The following ZNF800 variants were observed in gnomAD, a reference collection of about 807,000 sequenced individuals.
The protein encoded by ZNF800 is zinc finger protein 800.
A neutral mutation model predicts 59.5 loss-of-function variants in ZNF800; 13 were observed. The ratio of observed to expected loss-of-function variants is 0.22; its 90% CI spans 0.14 to 0.35. ZNF800 has a LOEUF of 0.35. Among genes scored for constraint, ZNF800 ranks in the 10% least tolerant of loss-of-function variants. The pLI is 1.00. For synonymous variants in ZNF800, 266 were observed against 265.7 expected (o/e 1.00, Z -0.01); for missense variants, 621 against 783.7 (o/e 0.79, Z 2.48).
chr7:127,345,295 ACC>A (rs34510825), downstream of ZNF800, among the ~76,000 whole-genome samples: 2 of 140,312 alleles, frequency 1.4e-5, no homozygotes, highest in African/African-American at 5.3e-5. Context: ...TGGGAAATAG[ACC>A]CCCCCCCCAA....
intron 1 of ZNF800, among the ~76,000 whole-genome samples, chr7:127,351,962 G>A (rs1436456156): frequency 1.3e-5 from 2 of 152,108 alleles, no homozygotes; most frequent in Admixed American, 1.3e-4. Context: ...TGACAGGTGG[G>A]GGAAATGTGG....
chr7:127,381,360 C>T (rs746888242), intron 3 of ZNF800, among the ~76,000 whole-genome samples: 46 of 152,036 alleles, frequency 3.0e-4, no homozygotes, highest in Non-Finnish European at 5.4e-4. Flanking sequence ...TCATCCTTAA[C>T]GTAAGGATTC....
chr7:127,375,584 A>G (rs1340754819), intron 4 of ZNF800, among the ~76,000 whole-genome samples: 1 of 152,148 alleles, frequency 6.6e-6, no homozygotes, highest in East Asian at 1.9e-4. Context: ...GATGATGTGT[A>G]GAAGTATTTG....
At chr7:127,353,532 CTTT>C (rs1342177211) in intron 1 of ZNF800, among the ~76,000 whole-genome samples, 1 of 152,146 alleles carries the variant, frequency 6.6e-6, no homozygotes, top group Non-Finnish European at 1.5e-5. Flanking sequence ...GTCTGATTAA[CTTT>C]TTTTCCAATC....
chr7:127,362,996 A>G (rs1800424766), intron 1 of ZNF800: 1 of 152,184 alleles, frequency 6.6e-6, no homozygotes, highest in African/African-American at 2.4e-5. Context: ...CAGAGGCAGG[A>G]TGGATAGGCA....
chr7:127,391,493 C>CT lies in ZNF800; in HGVS notation c.61+3dup, dbSNP rs777360492. The CT allele has an allele frequency of 1.9e-6, 3 of 1,614,088 alleles. No individual in the cohort carries two copies. The South Asian group carries it at 3.3e-5, about 18-fold the overall frequency. On this transcript the variant is annotated splice_donor_region_variant and intron_variant, in intron 2 of 5. Transcript: ENST00000265827. ...AAAGCAACTGCGGACGAAGAGGGGTCTACCTGGTTCACAGCATCCGTGATG... is the reference window on the plus strand; with the variant it reads ...AAAGCAACTGCGGACGAAGAGGGGTCTTACCTGGTTCACAGCATCCGTGATG...
At chr7:127,363,656 C>T (rs1395665105) in intron 1 of ZNF800, 2 of 151,036 alleles carry the variant, frequency 1.3e-5, no homozygotes, top group Non-Finnish European at 2.9e-5. Flanking sequence ...TGATGTGAGG[C>T]ATTAAGATTA....
At chr7:127,352,443 G>C (rs1328782373) in intron 1 of ZNF800, among the ~76,000 whole-genome samples, 1 of 152,240 alleles carries the variant, frequency 6.6e-6, no homozygotes. Context: ...GCCTGGTCTA[G>C]TAGAAAGGAT....
At position 127,373,724 on chromosome 7, in the gene ZNF800, T is replaced by C. The variant is rs776136075; in HGVS notation, c.1612A>G (p.Ile538Val). 18 of 1,614,084 alleles carry C rather than the reference T, an allele frequency of 1.1e-5. No individual in the cohort carries two copies. The highest frequency in any genetic ancestry group is 6.6e-5 in the South Asian group (6 of 91,088). Residue 538 changes from isoleucine (I) to valine (V), a missense_variant, in exon 5 of 6, where the codon ATA becomes GTA. By Grantham distance (29) the Ile-to-Val change is conservative. This residue lies in a region of ZNF800 where 46 missense variants were observed against 118.4 expected (regional missense o/e 0.39). Coordinates refer to ENST00000265827, the MANE Select transcript of ZNF800 (RefSeq NM_176814.5). ...TRRKRDVIRH[I>V]TVVHKKSSRY... is the part of the protein sequence containing the mutation. Reference sequence around the variant, plus strand: ...GATGACTTTTTATGAACCACAGTTATATGTCGTATCACATCACGTTTCCGA... The same window carrying C: ...GATGACTTTTTATGAACCACAGTTACATGTCGTATCACATCACGTTTCCGA...
chr7:127,374,010 G>A lies in ZNF800; in HGVS notation c.1326C>T (p.Asn442=). The A allele has an allele frequency of 6.2e-7, 1 of 1,613,952 alleles. No individual in the cohort carries two copies. The highest frequency in any genetic ancestry group is 1.1e-5 in the South Asian group (1 of 91,068). The change falls in exon 5 of 6, where the codon AAC becomes AAT. Residue 442 remains asparagine (N), a synonymous_variant. Coordinates refer to ENST00000265827, the MANE Select transcript of ZNF800 (RefSeq NM_176814.5). ...KGTNHSNEKK[N]TPAAQKNKVK... ...CTTTATTTTTCTGTGCTGCCGGTGT[G>A]TTCTTTTTTTCATTTGAATGATTTG...
rs992743571 is a variant in ZNF800 at position 127,373,023 on chromosome 7, A to C, written c.1994+319T>G. The C allele has an allele frequency of 1.0e-5, 10 of 985,152 alleles. 1 individual carries two copies. The African/African-American group carries it at 1.7e-4, about 17-fold the overall frequency. The allele number at this position is 985,152 out of a possible 1,614,324, so 61.0% of individuals were successfully genotyped here. A position where few individuals can be genotyped will look rare whatever the true frequency, so the allele number is the denominator to read the frequency against. On this transcript the variant is annotated intron_variant, in intron 5 of 5. Transcript: ENST00000265827. ...AAAGTTAGTTAAACAGAAGACTTCTATTGTAAACATAAGCCAATATAAATG... is the reference window on the plus strand; with the variant it reads ...AAAGTTAGTTAAACAGAAGACTTCTCTTGTAAACATAAGCCAATATAAATG...
chr7:127,351,003 G>A (rs1214980856), intron 1 of ZNF800, among the ~76,000 whole-genome samples: 1 of 152,234 alleles, frequency 6.6e-6, no homozygotes, highest in African/African-American at 2.4e-5. Context: ...ACATGAAAAT[G>A]TGAAGCTGGA....
chr7:127,346,449 T>G (rs1466863654), downstream of ZNF800, among the ~76,000 whole-genome samples: 1 of 152,186 alleles, frequency 6.6e-6, no homozygotes, highest in Non-Finnish European at 1.5e-5. Flanking sequence ...TCTCCAGAGT[T>G]GAGATTTTGC....
At chr7:127,388,072 T>C (rs148273613) in intron 2 of ZNF800, among the ~76,000 whole-genome samples, 275 of 152,164 alleles carry the variant, frequency 1.8e-3, no homozygotes, top group African/African-American at 6.4e-3. Context: ...TTAGGGCAAA[T>C]TAAACTCTCT....
In ZNF800 at chr7:127,374,500, T is replaced by G; in HGVS notation, c.836A>C (p.Lys279Thr). The G allele has an allele frequency of 6.2e-7, 1 of 1,614,170 alleles. No individual in the cohort carries two copies. The highest frequency in any genetic ancestry group is 8.5e-7 in the Non-Finnish European group (1 of 1,180,002). The stretch of plus-strand genomic sequence containing the variant: ...CCTACTTAATGGAACTAGAACATTC[T>G]TACTGCGTCCTTTAGAGGATTGGTT... ...NPNQSSKGRS[K>T]NVLVPLSRSC... Residue 279 changes from lysine (K) to threonine (T), a missense_variant, in exon 5 of 6, where the codon AAG becomes ACG. Physicochemically the swap from Lys to Thr is moderately conservative, Grantham distance 78. Coordinates refer to ENST00000265827, the MANE Select transcript of ZNF800 (RefSeq NM_176814.5).
At chr7:127,373,102 A>C (rs1448381438) in intron 5 of ZNF800, 3 of 985,322 alleles carry the variant, frequency 3.0e-6, no homozygotes, top group Non-Finnish European at 3.6e-6. Flanking sequence ...ATCTACCTAC[A>C]ACTACATTGC....
rs2117090286 is a variant in ZNF800, at chr7:127,371,496, T to C, written c.*318A>G. 4.2e-6 allele frequency: 1 copy of C among 239,026 alleles called. No homozygotes were observed. The highest frequency in any genetic ancestry group is 8.0e-5 in the East Asian group (1 of 12,568). The allele number at this position is 239,026 out of a possible 1,614,324, so 14.8% of individuals were successfully genotyped here. A position where few individuals can be genotyped will look rare whatever the true frequency, so the allele number is the denominator to read the frequency against. ...TGTTGATCACTTAATCAACAAATTG[T>C]TTAGAAAACAAAATTTGTAACATTT... On this transcript the variant is annotated 3_prime_UTR_variant, in exon 6 of 6. Transcript: ENST00000265827.
chr7:127,344,139 T>C (rs1800017589), downstream of ZNF800, among the ~76,000 whole-genome samples: 2 of 151,972 alleles, frequency 1.3e-5, no homozygotes, highest in African/African-American at 4.8e-5. Context: ...CCATTAATTA[T>C]ACTTAAGAAT....
chr7:127,378,310 G>T (rs557111822), intron 3 of ZNF800, among the ~76,000 whole-genome samples: 1 of 152,036 alleles, frequency 6.6e-6, no homozygotes, highest in South Asian at 2.1e-4. Context: ...AAATACAAAC[G>T]GAAGGTCTTT....
Sources: allele counts gnomAD v4.1 joint callset (sites outside exome capture counted in the v4.1 genomes callset), GRCh38; gene constraint gnomAD v4.1.1; regional missense constraint gnomAD v4.1.1; transcripts MANE v1.5; gene names NCBI Gene and HGNC (gene_info 2026-07-23, HGNC 2026-07-21).